The following CSMD1 variants were observed in gnomAD, a reference collection of about 807,000 sequenced individuals.
CSMD1 encodes the protein CUB and sushi domain-containing protein 1.
Under a neutral mutation model 417.5 loss-of-function variants are expected in CSMD1, and 213 were observed. That is an observed-to-expected ratio of 0.51 (90% CI 0.46 to 0.57). The LOEUF (loss-of-function observed/expected upper bound fraction) is 0.57, where lower values mean the gene tolerates loss of function less well. Among genes scored for constraint, CSMD1 ranks in the 20% least tolerant of loss-of-function variants. CSMD1 has a pLI of 0.00. For missense variants in CSMD1, 6,923 were observed against 4,529.7 expected, an observed-to-expected ratio of 1.53 and a Z score of -15.17; for synonymous variants, 2,862 against 1,736.8, an observed-to-expected ratio of 1.65 and a Z score of -16.11.
chr8:3,922,071 G>C (rs1809316128), intron 5 of CSMD1, among the ~76,000 whole-genome samples: 1 of 151,976 alleles, frequency 6.6e-6, no homozygotes. Flanking sequence ...ACAATGTTGG[G>C]TGCATATATA....
intron 63 of CSMD1, among the ~76,000 whole-genome samples, chr8:2,956,118 C>T (rs920827946): frequency 6.6e-6 from 1 of 151,952 alleles, no homozygotes; most frequent in African/African-American, 2.4e-5. Context: ...TTCTGCTATA[C>T]TACCGAAATA....
At chr8:2,942,339 A>G (rs1801932982) in intron 69 of CSMD1, 133 bp downstream of exon 69, 5 of 860,266 alleles carry the variant, frequency 5.8e-6, no homozygotes, top group Non-Finnish European at 6.8e-6. Context: ...ATAAAAGTTG[A>G]TTTAAAAAAA....
intron 3 of CSMD1, among the ~76,000 whole-genome samples, chr8:4,370,932 A>G (rs894334824): frequency 3.9e-5 from 6 of 152,154 alleles, no homozygotes; most frequent in East Asian, 3.9e-4. Flanking sequence ...CACTTCAGCC[A>G]TTTCAGTCTG....
chr8:3,171,792 C>T (rs1820598707), intron 37 of CSMD1, among the ~76,000 whole-genome samples: 1 of 152,154 alleles, frequency 6.6e-6, no homozygotes, highest in African/African-American at 2.4e-5. Context: ...TATTGAAATA[C>T]ATGCTTTGTA....
intron 3 of CSMD1, among the ~76,000 whole-genome samples, chr8:4,290,762 C>T (rs923855467): frequency 6.6e-6 from 1 of 152,142 alleles, no homozygotes; most frequent in African/African-American, 2.4e-5. Context: ...TTTAGGATTT[C>T]TATTCTGTAA....
chr8:4,708,337 G>C (rs145106030), intron 1 of CSMD1, among the ~76,000 whole-genome samples: 56 of 152,250 alleles, frequency 3.7e-4, no homozygotes, highest in South Asian at 8.3e-4. Flanking sequence ...TGGAATGTAA[G>C]CTCCGTGAAC....
At chr8:3,728,628 C>G (rs573282018) in intron 6 of CSMD1, among the ~76,000 whole-genome samples, 1 of 152,264 alleles carries the variant, frequency 6.6e-6, no homozygotes, top group Admixed American at 6.5e-5. Context: ...TAGAGACCAC[C>G]ATCCTGGAGC....
chr8:4,882,400 G>A (rs938659995), intron 1 of CSMD1, among the ~76,000 whole-genome samples: 2 of 151,766 alleles, frequency 1.3e-5, no homozygotes, highest in Non-Finnish European at 2.9e-5. Context: ...TGGGGAGCGA[G>A]TTTGGCATTG....
intron 5 of CSMD1, among the ~76,000 whole-genome samples, chr8:3,828,809 A>C (rs1287763464): frequency 6.6e-6 from 1 of 152,058 alleles, no homozygotes; most frequent in African/African-American, 2.4e-5. Flanking sequence ...CTCAAGTTAC[A>C]GCCTCATGCC....
At chr8:4,200,904 G>C (rs950103001) in intron 3 of CSMD1, among the ~76,000 whole-genome samples, 1 of 152,156 alleles carries the variant, frequency 6.6e-6, no homozygotes, top group African/African-American at 2.4e-5. Context: ...GAAACGCTAA[G>C]CTAGTTTAAA....
Position 4,348,292 on chromosome 8 carries a change from G to A in CSMD1, c.415+71661C>T, listed in dbSNP as rs562406395. Among the ~76,000 whole-genome samples, 3 of 152,188 alleles carry A rather than the reference G, an allele frequency of 2.0e-5. No homozygotes were observed. In the South Asian group the frequency reaches 6.2e-4, roughly 32 times the overall value. On this transcript the variant is annotated intron_variant, in intron 3 of 69. Coordinates refer to ENST00000635120, the MANE Select transcript of CSMD1 (RefSeq NM_033225.6). ...GAAGGTAGATATAACCAGGAGCAAA[G>A]GCATGTTCTGTGGATGCCTTTGTAA...
At chr8:4,952,753 G>A (rs902133030) in intron 1 of CSMD1, among the ~76,000 whole-genome samples, 2 of 151,964 alleles carry the variant, frequency 1.3e-5, no homozygotes, top group Non-Finnish European at 2.9e-5. Flanking sequence ...ATTTTTATTT[G>A]AAATTTCCTG....
At chr8:3,071,515 A>C (rs556106971) in intron 49 of CSMD1, among the ~76,000 whole-genome samples, 1 of 152,314 alleles carries the variant, frequency 6.6e-6, no homozygotes, top group South Asian at 2.1e-4. Flanking sequence ...ACTTAAAATA[A>C]AAAATAAAAT....
At chr8:4,034,486 T>C (rs191508841) in intron 3 of CSMD1, among the ~76,000 whole-genome samples, 1 of 152,184 alleles carries the variant, frequency 6.6e-6, no homozygotes, top group Admixed American at 6.5e-5. Context: ...TCACTATCCT[T>C]AAAGCAAACA....
rs144404720 is a variant in CSMD1 at position 4,401,252 on chromosome 8, T to C, written c.415+18701A>G. Among the ~76,000 whole-genome samples, 387 of 152,240 alleles carry C rather than the reference T, an allele frequency of 2.5e-3. 3 individuals are homozygous for C. Among genetic ancestry groups the C allele is most frequent in the African/African-American group, 9.0e-3 (373 of 41,526 alleles). On this transcript the variant is annotated intron_variant, in intron 3 of 69. Coordinates refer to ENST00000635120, the MANE Select transcript of CSMD1 (RefSeq NM_033225.6). ...TTCAGCATTGTATGCTTATTTAAAATATTAGATATATGTCTTGAAACCTGT... is the reference window on the plus strand; with the variant it reads ...TTCAGCATTGTATGCTTATTTAAAACATTAGATATATGTCTTGAAACCTGT...
chr8:3,290,856 C>CA (rs1328262107), intron 25 of CSMD1, among the ~76,000 whole-genome samples: 1 of 151,700 alleles, frequency 6.6e-6, no homozygotes, highest in Non-Finnish European at 1.5e-5. Flanking sequence ...GAACTTCCAA[C>CA]ACTATATTGA....
At chr8:4,031,827 G>A (rs943912095) in intron 4 of CSMD1, 78 bp downstream of exon 4, 13 of 1,118,294 alleles carry the variant, frequency 1.2e-5, no homozygotes, top group East Asian at 2.6e-5. Flanking sequence ...TCATTTAAGT[G>A]GAAACTTTCA....
chr8:3,369,481 T>C (rs976037030), intron 18 of CSMD1, 111 bp from the exon 19 acceptor site: 3 of 619,676 alleles, frequency 4.8e-6, no homozygotes, highest in Non-Finnish European at 8.7e-6. Flanking sequence ...AAATTTAATG[T>C]CATATCCAAG....
At chr8:4,662,973 A>G (rs1804694177) in intron 1 of CSMD1, among the ~76,000 whole-genome samples, 1 of 152,184 alleles carries the variant, frequency 6.6e-6, no homozygotes, top group Non-Finnish European at 1.5e-5. Flanking sequence ...CTTCAACATG[A>G]TTTCCTTTTT....
Sources: allele counts gnomAD v4.1 joint callset (sites outside exome capture counted in the v4.1 genomes callset), GRCh38; gene constraint gnomAD v4.1.1; transcripts MANE v1.5; gene names NCBI Gene and HGNC (gene_info 2026-07-23, HGNC 2026-07-21).